The following SCHIP1 variants were observed in gnomAD, a reference collection of about 807,000 sequenced individuals.
The protein encoded by SCHIP1 is schwannomin interacting protein 1.
SCHIP1 carries 8 observed loss-of-function variants against 29.7 expected under a neutral mutation model. The ratio of observed to expected loss-of-function variants is 0.27; its 90% CI spans 0.16 to 0.49. The LOEUF (loss-of-function observed/expected upper bound fraction) is 0.49, where lower values mean the gene tolerates loss of function less well. SCHIP1 is among the 20% of genes least tolerant of loss of function. SCHIP1 has a pLI of 0.99. For missense variants in SCHIP1, 193 were observed against 294.6 expected, an observed-to-expected ratio of 0.66 and a Z score of 2.52; for synonymous variants, 76 against 94.9, an observed-to-expected ratio of 0.80 and a Z score of 1.16.
At chr3:159,597,439 C>T in the SCHIP1 span, among the ~76,000 whole-genome samples, 5 of 152,058 alleles carry the variant, frequency 3.3e-5, no homozygotes, top group African/African-American at 1.2e-4. Context: ...GTTCCCCCCA[C>T]CTCCCAGGCA....
rs1439429665 is a variant in SCHIP1 at position 159,878,157 on chromosome 3, G to A, written c.150-8050G>A. On this transcript the variant is annotated intron_variant, in intron 2 of 6. Coordinates refer to ENST00000445224, the Ensembl canonical transcript of SCHIP1. Reference sequence around the variant, plus strand: ...ACACACAAATGCTAATCATCAACTCGGTCATGTTCTTTCCTTTTCTTTTTT... The same window carrying A: ...ACACACAAATGCTAATCATCAACTCAGTCATGTTCTTTCCTTTTCTTTTTT... Among the ~76,000 whole-genome samples, 8 of 152,078 alleles carry A rather than the reference G, an allele frequency of 5.3e-5. 1 individual carries two copies. Among genetic ancestry groups the A allele is most frequent in the African/African-American group, 1.9e-4 (8 of 41,404 alleles).
the SCHIP1 span, among the ~76,000 whole-genome samples, chr3:159,373,216 T>C: frequency 6.6e-6 from 1 of 151,482 alleles, no homozygotes; most frequent in Non-Finnish European, 1.5e-5. Context: ...TTATTATAAA[T>C]TGACAAATTG....
At chr3:159,893,480 G>A (rs987104771) in intron 6 of SCHIP1, 131 of 152,192 alleles carry the variant, frequency 8.6e-4, no homozygotes, top group African/African-American at 3.1e-3. Flanking sequence ...ATGGGAAATC[G>A]GTGGTGAAAT....
At chr3:159,811,369 A>G in the SCHIP1 span, among the ~76,000 whole-genome samples, 5 of 152,182 alleles carry the variant, frequency 3.3e-5, no homozygotes, top group African/African-American at 9.7e-5. Flanking sequence ...CTCTTTGTCT[A>G]ACTTAAGGTT....
At chr3:159,833,569 CAG>C in the SCHIP1 span, among the ~76,000 whole-genome samples, 63 of 152,314 alleles carry the variant, frequency 4.1e-4, no homozygotes, top group African/African-American at 1.3e-3. Flanking sequence ...ACCCAGGAGA[CAG>C]GGGACATTAT....
chr3:159,401,463 C>G, the SCHIP1 span: 6 of 599,714 alleles, frequency 1.0e-5, no homozygotes, highest in African/African-American at 2.0e-5. Context: ...ATGCCTGGCA[C>G]AGGCATAATT....
chr3:159,403,468 G>T, the SCHIP1 span, among the ~76,000 whole-genome samples: 1 of 152,206 alleles, frequency 6.6e-6, no homozygotes, highest in Non-Finnish European at 1.5e-5. Context: ...CACAGAGAAA[G>T]AATTTGTGCA....
At chr3:159,298,469 T>C in the SCHIP1 span, among the ~76,000 whole-genome samples, 1 of 152,208 alleles carries the variant, frequency 6.6e-6, no homozygotes, top group Non-Finnish European at 1.5e-5. Context: ...ACACAACTTA[T>C]AGATTAAAAA....
chr3:159,390,702 A>G, the SCHIP1 span, among the ~76,000 whole-genome samples: 21 of 152,182 alleles, frequency 1.4e-4, no homozygotes, highest in Non-Finnish European at 2.1e-4. Context: ...TTAAATTTCA[A>G]CAAAACAGAC....
intron 2 of SCHIP1, among the ~76,000 whole-genome samples, chr3:159,885,797 C>T (rs1215163336): frequency 1.3e-5 from 2 of 152,206 alleles, no homozygotes; most frequent in Admixed American, 6.5e-5. Flanking sequence ...GATGCTGGCT[C>T]CAGTGAGAGA....
the SCHIP1 span, among the ~76,000 whole-genome samples, chr3:159,391,900 A>C: frequency 6.6e-6 from 1 of 152,194 alleles, no homozygotes; most frequent in Non-Finnish European, 1.5e-5. Flanking sequence ...ATGCAAATCC[A>C]TGCCTTCCAG....
the SCHIP1 span, among the ~76,000 whole-genome samples, chr3:159,623,484 G>A: frequency 5.3e-5 from 8 of 151,992 alleles, no homozygotes; most frequent in African/African-American, 2.4e-5. Context: ...AAATTAGCCG[G>A]GCATGGTGGC....
chr3:159,741,331 T>C, the SCHIP1 span, among the ~76,000 whole-genome samples: 1 of 152,212 alleles, frequency 6.6e-6, no homozygotes, highest in Non-Finnish European at 1.5e-5. Context: ...ATTTCAGATA[T>C]TATAGCAGTA....
the SCHIP1 span, chr3:159,768,461 T>C: frequency 6.6e-6 from 1 of 152,260 alleles, no homozygotes; most frequent in South Asian, 2.1e-4. Flanking sequence ...CGCAGAAGGA[T>C]GACTGAGGTC....
intron 6 of SCHIP1, among the ~76,000 whole-genome samples, chr3:159,895,932 G>A (rs1718018916): frequency 6.6e-6 from 1 of 152,150 alleles, no homozygotes; most frequent in Admixed American, 6.5e-5. Context: ...CTGACCTCAG[G>A]TGATCCACCA....
chr3:159,582,249 C>T, the SCHIP1 span, among the ~76,000 whole-genome samples: 1 of 152,086 alleles, frequency 6.6e-6, no homozygotes, highest in African/African-American at 2.4e-5. Flanking sequence ...TAGCTCACTA[C>T]AGCCTCAGTC....
the SCHIP1 span, among the ~76,000 whole-genome samples, chr3:159,591,208 T>C: frequency 6.6e-6 from 1 of 152,208 alleles, no homozygotes; most frequent in Non-Finnish European, 1.5e-5. Context: ...TCATGTCATC[T>C]ACAAACAGAC....
At chr3:159,725,521 T>C in the SCHIP1 span, among the ~76,000 whole-genome samples, 1 of 152,178 alleles carries the variant, frequency 6.6e-6, no homozygotes, top group Non-Finnish European at 1.5e-5. Flanking sequence ...TGCCTCCGCC[T>C]TCCAAAGTGC....
At chr3:159,858,816 C>T (rs1713704638) in intron 1 of SCHIP1, among the ~76,000 whole-genome samples, 1 of 152,154 alleles carries the variant, frequency 6.6e-6, no homozygotes, top group African/African-American at 2.4e-5. Flanking sequence ...GAGCAATTTA[C>T]ACCCAAAGGC....
Sources: gnomAD v4.1 joint callset for allele counts (sites outside exome capture counted in the v4.1 genomes callset) on GRCh38, gnomAD v4.1.1 for gene constraint, MANE v1.5 for transcripts, NCBI Gene and HGNC (gene_info 2026-07-23, HGNC 2026-07-21) for gene names.